CNIH1: variants seen among roughly 807,000 people sequenced by gnomAD.
CNIH1 encodes cornichon family member 1.
A neutral mutation model predicts 20.2 loss-of-function variants in CNIH1; 12 were observed. The ratio of observed to expected loss-of-function variants is 0.59; its 90% confidence interval spans 0.38 to 0.96. CNIH1 has a LOEUF of 0.96. CNIH1 is among the 40% of genes least tolerant of loss of function. The pLI, the probability that CNIH1 is intolerant of heterozygous loss-of-function variation, is 0.00. For synonymous variants in CNIH1, 69 were observed against 63.3 expected, an observed-to-expected ratio of 1.09 and a Z score of -0.43; for missense variants, 152 against 178.8, an observed-to-expected ratio of 0.85 and a Z score of 0.85.
intron 3 of CNIH1, among the ~76,000 whole-genome samples, chr14:54,431,499 A>G (rs2030942835): frequency 6.6e-6 from 1 of 152,194 alleles, no homozygotes; most frequent in African/African-American, 2.4e-5. Context: ...ATACTTCTTC[A>G]GTATATGTCT....
intron 3 of CNIH1, among the ~76,000 whole-genome samples, chr14:54,431,089 T>C (rs2030933489): frequency 6.6e-6 from 1 of 152,074 alleles, no homozygotes; most frequent in African/African-American, 2.4e-5. Flanking sequence ...CCTCTCAAAG[T>C]GCTGGGATTA....
At position 54,427,833 on chromosome 14, in the gene CNIH1, T is replaced by A. The variant is rs763588082; in HGVS notation, c.416A>T (p.Tyr139Phe). 1 of 1,613,514 alleles carries A rather than the reference T, an allele frequency of 6.2e-7. No individual in the cohort carries two copies. The highest frequency in any genetic ancestry group is 8.5e-7 in the Non-Finnish European group (1 of 1,179,846). ...AFFYYLYGMI[Y>F]VLVSS ...GTTGTTCTAAGAGCTCACCAAAACA[T>A]AGATCATGCTGAAAAGAAGAAAAAA... The change falls in exon 5 of 5, where the codon TAT (tyrosine) becomes TTT (phenylalanine). Residue 139 changes from tyrosine (Y) to phenylalanine (F), a missense_variant. Coordinates refer to ENST00000216416, the MANE Select transcript of CNIH1 (RefSeq NM_005776.3).
intron 1 of CNIH1, among the ~76,000 whole-genome samples, chr14:54,439,102 T>C (rs1181489285): frequency 6.6e-6 from 1 of 152,168 alleles, no homozygotes; most frequent in Non-Finnish European, 1.5e-5. Context: ...TATTCCTGTA[T>C]AGCAACACTA....
At chr14:54,440,505 C>T (rs1319735521) in intron 1 of CNIH1, among the ~76,000 whole-genome samples, 1 of 152,084 alleles carries the variant, frequency 6.6e-6, no homozygotes, top group Admixed American at 6.5e-5. Flanking sequence ...AAATACTGCC[C>T]CAGAAAAGCT....
rs74707690 is a variant in CNIH1, at chr14:54,427,339, G to T, written c.*475C>A. 2,812 of 153,996 alleles carry T rather than the reference G, an allele frequency of 0.018. 83 individuals are homozygous for T. Among genetic ancestry groups the T allele is most frequent in the African/African-American group, 0.064 (2,668 of 41,568 alleles). The allele number at this position is 153,996 out of a possible 1,614,324, so 9.5% of individuals were successfully genotyped here. A position where few individuals can be genotyped will look rare whatever the true frequency, so the allele number is the denominator to read the frequency against. On this transcript the variant is annotated 3_prime_UTR_variant, in exon 5 of 5. Coordinates refer to ENST00000216416, the MANE Select transcript of CNIH1 (RefSeq NM_005776.3). ...ATATATAATCATCGACATGACAGATGAGGAAACCCATGAAGTTTCCCACTA... is the reference window on the plus strand; with the variant it reads ...ATATATAATCATCGACATGACAGATTAGGAAACCCATGAAGTTTCCCACTA...
At chr14:54,432,328 C>T (rs563367455) in intron 2 of CNIH1, 108 bp from the exon 3 acceptor site, 1 of 530,326 alleles carries the variant, frequency 1.9e-6, no homozygotes, top group Non-Finnish European at 3.4e-6. Context: ...TCACTGTTTT[C>T]TTAGACTCAG....
At position 54,438,786 on chromosome 14, in the gene CNIH1, G is replaced by A. The variant is rs536394729; in HGVS notation, c.82-2349C>T. On this transcript the variant is annotated intron_variant, in intron 1 of 4. Transcript: ENST00000216416. ...AGGTTGAAATCTGATCCCCAATGTT[G>A]GAGGCGGGATCTAACGGGAGGTGTT... Among the ~76,000 whole-genome samples the A allele has an allele frequency of 2.0e-5, 3 of 152,292 alleles. No homozygotes were observed. In the South Asian group the frequency reaches 6.2e-4, roughly 32 times the overall value.
chr14:54,430,255 A>G lies in CNIH1; in HGVS notation c.407+6T>C. 3 of 1,613,492 alleles carry G rather than the reference A, an allele frequency of 1.9e-6. No homozygotes were observed. Among genetic ancestry groups the G allele is most frequent in the Non-Finnish European group, 2.5e-6 (3 of 1,179,670 alleles). ...AAGCATATTTCATTTTACCTTTTCA[A>G]CTTACCCATATAGGTAGTAAAAAAA... On this transcript the variant is annotated splice_donor_region_variant and intron_variant, in intron 4 of 4. Coordinates refer to ENST00000216416, the MANE Select transcript of CNIH1 (RefSeq NM_005776.3).
In CNIH1 at chr14:54,436,403, T is replaced by C. The variant is rs1173107554; in HGVS notation, c.116A>G (p.Lys39Arg). 2 of 1,570,054 alleles carry C rather than the reference T, an allele frequency of 1.3e-6. No homozygotes were observed. The highest frequency in any genetic ancestry group is 1.8e-6 in the Non-Finnish European group (2 of 1,140,418). Residue 39 changes from lysine to arginine, a missense_variant, in exon 2 of 5, where the codon AAG (lysine) becomes AGG (arginine). Transcript: ENST00000216416. Reference protein sequence around the residue: ...IAFDELKTDYKNPIDQCNTLN... With the variant: ...IAFDELKTDYRNPIDQCNTLN... ...GGTATTACACTGGTCTATAGGATTC[T>C]TGTAATCAGTCTTCAGCTCATCAAA...
At chr14:54,434,533 C>G (rs1349051318) in intron 2 of CNIH1, among the ~76,000 whole-genome samples, 1 of 152,164 alleles carries the variant, frequency 6.6e-6, no homozygotes, top group Non-Finnish European at 1.5e-5. Context: ...AGTTTACTCT[C>G]CTATTCATGA....
intron 3 of CNIH1, among the ~76,000 whole-genome samples, chr14:54,431,314 G>A (rs938960224): frequency 6.6e-6 from 1 of 152,022 alleles, no homozygotes; most frequent in Non-Finnish European, 1.5e-5. Flanking sequence ...TTTTAGTTGA[G>A]ACAGGGTTTC....
chr14:54,433,320 G>C (rs561966789), intron 2 of CNIH1, among the ~76,000 whole-genome samples: 23 of 152,174 alleles, frequency 1.5e-4, no homozygotes, highest in African/African-American at 5.3e-4. Context: ...TACATACTCA[G>C]ACCCATTTTC....
chr14:54,439,219 A>G (rs1359355330), intron 1 of CNIH1, among the ~76,000 whole-genome samples: 2 of 152,212 alleles, frequency 1.3e-5, no homozygotes, highest in Admixed American at 6.5e-5. Context: ...ATTGTTTCCA[A>G]AAGGATACTA....
intron 3 of CNIH1, among the ~76,000 whole-genome samples, chr14:54,431,740 G>T (rs116953904): frequency 6.6e-6 from 1 of 152,122 alleles, no homozygotes; most frequent in Non-Finnish European, 1.5e-5. Context: ...GTCTTGGGAG[G>T]TGTGGAGGGT....
intron 2 of CNIH1, among the ~76,000 whole-genome samples, chr14:54,435,726 C>T (rs950361911): frequency 1.3e-5 from 2 of 152,116 alleles, no homozygotes; most frequent in African/African-American, 4.8e-5. Flanking sequence ...GCAGATAAGT[C>T]CATACTAAAG....
intron 3 of CNIH1, among the ~76,000 whole-genome samples, chr14:54,430,972 C>T (rs1328985242): frequency 6.6e-6 from 1 of 151,984 alleles, no homozygotes; most frequent in Non-Finnish European, 1.5e-5. Context: ...GCGGGGACTA[C>T]AGGCACACGC....
Position 54,425,790 on chromosome 14 carries a change from A to G in CNIH1, c.*2024T>C, listed in dbSNP as rs2030816245. 1 of 152,224 alleles carries G rather than the reference A, an allele frequency of 6.6e-6. No individual in the cohort carries two copies. Among genetic ancestry groups the G allele is most frequent in the African/African-American group, 2.4e-5 (1 of 41,464 alleles). The allele number at this position is 152,224 out of a possible 1,614,324, so 9.4% of individuals were successfully genotyped here. A position where few individuals can be genotyped will look rare whatever the true frequency, so the allele number is the denominator to read the frequency against. ...CTACATATCTTATTTGGGAAACATG[A>G]GAAAATGGCTTCCACAAATCCCAAC... On this transcript the variant is annotated 3_prime_UTR_variant, in exon 5 of 5. Coordinates refer to ENST00000216416, the MANE Select transcript of CNIH1 (RefSeq NM_005776.3).
At chr14:54,437,808 C>T (rs2031084704) in intron 1 of CNIH1, among the ~76,000 whole-genome samples, 1 of 152,078 alleles carries the variant, frequency 6.6e-6, no homozygotes, top group Non-Finnish European at 1.5e-5. Context: ...TATTAGTCTG[C>T]TACTTGACGT....
Position 54,430,285 on chromosome 14 carries a change from A to G in CNIH1, c.383T>C (p.Leu128Pro), listed in dbSNP as rs1313382706. Residue 128 changes from leucine to proline, a missense_variant, in exon 4 of 5, where the codon CTA becomes CCA. Leu to Pro is a moderately conservative substitution (Grantham distance 98, BLOSUM62 -3). Coordinates refer to ENST00000216416, the MANE Select transcript of CNIH1 (RefSeq NM_005776.3). Reference protein sequence around the residue: ...EGWCKLAFYLLAFFYYLYGMI... With the variant: ...EGWCKLAFYLPAFFYYLYGMI... ...CCCATATAGGTAGTAAAAAAATGCTAGAAGATAAAAAGCTAATTTGCACCA... is the reference window on the plus strand; with the variant it reads ...CCCATATAGGTAGTAAAAAAATGCTGGAAGATAAAAAGCTAATTTGCACCA... 6.2e-7 allele frequency: 1 copy of G among 1,614,122 alleles called. No homozygotes were observed. Among genetic ancestry groups the G allele is most frequent in the African/African-American group, 1.3e-5 (1 of 75,072 alleles).
Sources: gnomAD v4.1 joint callset for allele counts (sites outside exome capture counted in the v4.1 genomes callset) on GRCh38, gnomAD v4.1.1 for gene constraint, MANE v1.5 for transcripts, NCBI Gene and HGNC (gene_info 2026-07-23, HGNC 2026-07-21) for gene names.